EVA1C: variants seen among roughly 807,000 people sequenced by gnomAD.
The protein encoded by EVA1C is eva-1 homolog C.
In EVA1C, 25 loss-of-function variants were observed where a neutral mutation model predicts 45.4. That is an observed-to-expected ratio of 0.55 (90% CI 0.40 to 0.77). The LOEUF (loss-of-function observed/expected upper bound fraction) is 0.77, where lower values mean the gene tolerates loss of function less well. EVA1C is among the 30% of genes least tolerant of loss of function. The pLI, the probability that EVA1C is intolerant of heterozygous loss-of-function variation, is 0.00. For missense variants in EVA1C, 479 were observed against 554.8 expected, an observed-to-expected ratio of 0.86 and a Z score of 1.37; for synonymous variants, 190 against 221.2, an observed-to-expected ratio of 0.86 and a Z score of 1.25.
chr21:32,454,873 G>A (rs2035722024), intron 2 of EVA1C, among the ~76,000 whole-genome samples: 1 of 152,132 alleles, frequency 6.6e-6, no homozygotes, highest in African/African-American at 2.4e-5. Context: ...GGTAGTATCT[G>A]GGTATTTAGG....
chr21:32,473,395 G>A (rs1174465829), intron 4 of EVA1C, among the ~76,000 whole-genome samples: 2 of 152,120 alleles, frequency 1.3e-5, no homozygotes, highest in African/African-American at 2.4e-5. Flanking sequence ...AACTGCACTC[G>A]GCCTGTTCTC....
chr21:32,456,482 A>AC (rs1314495510), intron 2 of EVA1C, among the ~76,000 whole-genome samples: 2 of 152,082 alleles, frequency 1.3e-5, no homozygotes, highest in African/African-American at 4.8e-5. Flanking sequence ...TGAAAGCTGC[A>AC]CCTTCTGGGG....
chr21:32,493,116 G>T (rs2037221637), intron 4 of EVA1C, among the ~76,000 whole-genome samples: 1 of 152,184 alleles, frequency 6.6e-6, no homozygotes, highest in African/African-American at 2.4e-5. Flanking sequence ...TACAAGTGCT[G>T]AGAGCAGTGG....
chr21:32,425,051 C>T (rs2034435678), intron 1 of EVA1C, among the ~76,000 whole-genome samples: 1 of 152,154 alleles, frequency 6.6e-6, no homozygotes, highest in Admixed American at 6.5e-5. Flanking sequence ...TGGCTCACAC[C>T]TGTAATCCCA....
chr21:32,416,142 A>G (rs1245503021), intron 1 of EVA1C, among the ~76,000 whole-genome samples: 1 of 151,634 alleles, frequency 6.6e-6, no homozygotes, highest in Non-Finnish European at 1.5e-5. Context: ...TTTTTGCCTT[A>G]AAGAGTGGTG....
chr21:32,488,086 G>T (rs2037033476), intron 4 of EVA1C, among the ~76,000 whole-genome samples: 1 of 152,112 alleles, frequency 6.6e-6, no homozygotes, highest in South Asian at 2.1e-4. Flanking sequence ...CATCATCAGA[G>T]ATTAATTGCA....
At chr21:32,436,290 C>T (rs1453902151) in intron 1 of EVA1C, among the ~76,000 whole-genome samples, 1 of 152,126 alleles carries the variant, frequency 6.6e-6, no homozygotes, top group Non-Finnish European at 1.5e-5. Flanking sequence ...TCTCGAACTC[C>T]TCACCTTGTG....
At position 32,422,711 on chromosome 21, in the gene EVA1C, C is replaced by G. The variant is rs200903991; in HGVS notation, c.160+9698C>G. Among the ~76,000 whole-genome samples, 3 of 151,976 alleles carry G rather than the reference C, an allele frequency of 2.0e-5. No homozygotes were observed. In the East Asian group the frequency reaches 5.8e-4, roughly 29 times the overall value. On this transcript the variant is annotated intron_variant, in intron 1 of 7. Transcript: ENST00000300255. ...CAACCATCAGTCCTGAATTATATAC[C>G]CAGCTTAACTGCTTTTCAAGAGTGT...
chr21:32,487,466 T>A (rs2037008752), intron 4 of EVA1C, among the ~76,000 whole-genome samples: 1 of 152,072 alleles, frequency 6.6e-6, no homozygotes, highest in African/African-American at 2.4e-5. Context: ...GCGACTCACA[T>A]CCCTGTATTT....
chr21:32,419,768 C>T (rs1431048222), intron 1 of EVA1C, among the ~76,000 whole-genome samples: 1 of 151,102 alleles, frequency 6.6e-6, no homozygotes, highest in Non-Finnish European at 1.5e-5. Context: ...AACATACTGT[C>T]ACTGAAGCTG....
chr21:32,511,288 C>T (rs1449422354), intron 7 of EVA1C, among the ~76,000 whole-genome samples: 1 of 151,646 alleles, frequency 6.6e-6, no homozygotes, highest in African/African-American at 2.4e-5. Context: ...ATGGCATGCA[C>T]CTGTAATCCC....
intron 1 of EVA1C, among the ~76,000 whole-genome samples, chr21:32,415,113 C>T (rs139840448): frequency 0.012 from 1,845 of 152,274 alleles, 10 homozygotes; most frequent in East Asian, 0.029. Flanking sequence ...CTGACGCGAA[C>T]CCCATGTGGC....
At chr21:32,495,663 A>G (rs1266585026) in intron 5 of EVA1C, among the ~76,000 whole-genome samples, 1 of 152,204 alleles carries the variant, frequency 6.6e-6, no homozygotes, top group Non-Finnish European at 1.5e-5. Context: ...GCTTACCCTA[A>G]AACAATAAAA....
chr21:32,484,942 C>T (rs377512362), intron 4 of EVA1C, among the ~76,000 whole-genome samples: 7 of 152,166 alleles, frequency 4.6e-5, no homozygotes, highest in East Asian at 3.9e-4. Flanking sequence ...CCTTGTTTGC[C>T]GATTTTTTTT....
At chr21:32,498,965 TA>T (rs2037442269) in intron 5 of EVA1C, among the ~76,000 whole-genome samples, 1 of 152,188 alleles carries the variant, frequency 6.6e-6, no homozygotes, top group Non-Finnish European at 1.5e-5. Context: ...TTAAAGGTCC[TA>T]AAAGATTCTC....
intron 2 of EVA1C, among the ~76,000 whole-genome samples, chr21:32,454,878 T>C (rs1461058312): frequency 6.6e-6 from 1 of 152,140 alleles, no homozygotes; most frequent in Non-Finnish European, 1.5e-5. Flanking sequence ...TATCTGGGTA[T>C]TTAGGTGATT....
chr21:32,448,707 G>A (rs1350808403), intron 1 of EVA1C, among the ~76,000 whole-genome samples: 1 of 152,006 alleles, frequency 6.6e-6, no homozygotes, highest in Non-Finnish European at 1.5e-5. Flanking sequence ...AGGAGTTTGA[G>A]ACCAGCCTGA....
chr21:32,513,949 CT>C (rs1234039495), intron 7 of EVA1C, among the ~76,000 whole-genome samples: 9 of 152,202 alleles, frequency 5.9e-5, no homozygotes, highest in Non-Finnish European at 1.3e-4. Context: ...ATAGTTGCAT[CT>C]TTACCAAACA....
Position 32,477,240 on chromosome 21 carries a change from C to A in EVA1C, c.634+9392C>A, listed in dbSNP as rs2036600600. ...ACAGATACCAGGTTTCTCTTCAAGGCCCTTACATTTTCTCTAACATACCCC... is the reference window on the plus strand; with the variant it reads ...ACAGATACCAGGTTTCTCTTCAAGGACCTTACATTTTCTCTAACATACCCC... On this transcript the variant is annotated intron_variant, in intron 4 of 7. Transcript: ENST00000300255. 2.6e-5 allele frequency among the ~76,000 whole-genome samples: 4 copies of A among 152,186 alleles called. No homozygotes were observed. In the South Asian group the frequency reaches 8.3e-4, roughly 32 times the overall value.
Sources: allele counts gnomAD v4.1 joint callset (sites outside exome capture counted in the v4.1 genomes callset), GRCh38; gene constraint gnomAD v4.1.1; transcripts MANE v1.5; gene names NCBI Gene and HGNC (gene_info 2026-07-23, HGNC 2026-07-21).